Variants in TBC1D19 observed in about 807,000 individuals in gnomAD.
TBC1D19 encodes TBC1 domain family member 19, also known as TBC1 domain family, member 19.
In TBC1D19, 60 loss-of-function variants were observed where a neutral mutation model predicts 89.0. The ratio of observed to expected loss-of-function variants is 0.67; its 90% CI spans 0.55 to 0.84. TBC1D19 has a LOEUF of 0.84. TBC1D19 is among the 40% of genes least tolerant of loss of function. The probability of loss-of-function intolerance (pLI) is 0.00; values close to 1 mark genes in which losing one functional copy is unlikely to be tolerated. For missense variants in TBC1D19, 500 were observed against 610.8 expected (o/e 0.82, Z 1.91); for synonymous variants, 189 against 199.7 (o/e 0.95, Z 0.45).
At chr4:26,654,918 G>A (rs557532552) in intron 7 of TBC1D19, among the ~76,000 whole-genome samples, 3 of 152,252 alleles carry the variant, frequency 2.0e-5, no homozygotes, top group African/African-American at 4.8e-5. Context: ...TGCTGGTGAG[G>A]AGCTGCATTC....
At chr4:26,782,992 T>C in the TBC1D19 span, among the ~76,000 whole-genome samples, 1 of 152,212 alleles carries the variant, frequency 6.6e-6, no homozygotes, top group Non-Finnish European at 1.5e-5. Flanking sequence ...ATATTGTTCC[T>C]AAAGAACATA....
At position 26,673,438 on chromosome 4, in the gene TBC1D19, T is replaced by TACACACACACACACAC. The variant is rs1419263495; in HGVS notation, c.704-337_704-336insCACACACACACACACA. Among the ~76,000 whole-genome samples, 4 of 15,916 alleles carry TACACACACACACACAC rather than the reference T, an allele frequency of 2.5e-4. No homozygotes were observed. The Admixed American group carries it at 5.3e-3, about 21-fold the overall frequency. The allele number at this position is 15,916 out of a possible 152,430, so 10.4% of individuals were successfully genotyped here. ...AAAAATTATTTCATATATATATATA[T>TACACACACACACACAC]ATATATATACACACACACACACACA... is the stretch of plus-strand genomic sequence containing the variant. On this transcript the variant is annotated intron_variant, in intron 10 of 20. Coordinates refer to ENST00000264866, the MANE Select transcript of TBC1D19 (RefSeq NM_018317.4).
intron 1 of TBC1D19, among the ~76,000 whole-genome samples, chr4:26,603,986 A>G (rs1340661989): frequency 6.6e-6 from 1 of 152,110 alleles, no homozygotes; most frequent in Non-Finnish European, 1.5e-5. Flanking sequence ...TTCAACCTGT[A>G]GTAACCACCA....
At chr4:26,750,658 A>G (rs1357911851) in intron 19 of TBC1D19, among the ~76,000 whole-genome samples, 1 of 152,216 alleles carries the variant, frequency 6.6e-6, no homozygotes, top group East Asian at 1.9e-4. Flanking sequence ...GTAGAAATGT[A>G]GTCTGCATTA....
chr4:26,594,817 A>G (rs1023238940), intron 1 of TBC1D19, among the ~76,000 whole-genome samples: 2 of 152,178 alleles, frequency 1.3e-5, no homozygotes, highest in Non-Finnish European at 2.9e-5. Flanking sequence ...GATTCCCTAA[A>G]AAATCCCGCT....
At chr4:26,662,230 T>C (rs1745265331) in intron 8 of TBC1D19, among the ~76,000 whole-genome samples, 1 of 152,170 alleles carries the variant, frequency 6.6e-6, no homozygotes, top group Non-Finnish European at 1.5e-5. Context: ...AATGAAACCA[T>C]TAATATTCTC....
At chr4:26,583,108 C>T (rs1362675896), upstream of TBC1D19, among the ~76,000 whole-genome samples, 1 of 152,114 alleles carries the variant, frequency 6.6e-6, no homozygotes, top group East Asian at 1.9e-4. Context: ...TAAAATCCTA[C>T]TTCTGCTTTG....
At chr4:26,762,694 A>T in the TBC1D19 span, among the ~76,000 whole-genome samples, 1 of 152,216 alleles carries the variant, frequency 6.6e-6, no homozygotes, top group Admixed American at 6.5e-5. Context: ...AGATGGGAAG[A>T]TTATCCTGGA....
chr4:26,647,887 C>A (rs1744081112), intron 7 of TBC1D19, among the ~76,000 whole-genome samples: 1 of 151,900 alleles, frequency 6.6e-6, no homozygotes, highest in African/African-American at 2.4e-5. Flanking sequence ...CTCCTTATAC[C>A]CTTTCCAGCT....
chr4:26,825,506 A>G, the TBC1D19 span, among the ~76,000 whole-genome samples: 4 of 152,206 alleles, frequency 2.6e-5, no homozygotes, highest in Non-Finnish European at 5.9e-5. Flanking sequence ...ATTTTTCAAC[A>G]TTAAGAAAAA....
At chr4:26,804,718 T>C in the TBC1D19 span, among the ~76,000 whole-genome samples, 1 of 152,304 alleles carries the variant, frequency 6.6e-6, no homozygotes, top group African/African-American at 2.4e-5. Flanking sequence ...TCCCTAGAGC[T>C]GCTCTGTTCG....
chr4:26,717,895 G>A (rs1445578012), intron 13 of TBC1D19, 38 bp from the exon 14 acceptor site: 2 of 1,507,576 alleles, frequency 1.3e-6, no homozygotes, highest in East Asian at 2.3e-5. Context: ...TTTTATAATA[G>A]TGCTTAATTG....
intron 17 of TBC1D19, among the ~76,000 whole-genome samples, chr4:26,741,254 G>A (rs1288848731): frequency 2.6e-5 from 4 of 151,328 alleles, no homozygotes; most frequent in Non-Finnish European, 5.9e-5. Flanking sequence ...TACTCGGGAG[G>A]CTGAGGCAGG....
intron 14 of TBC1D19, among the ~76,000 whole-genome samples, chr4:26,718,814 T>C (rs184192773): frequency 2.0e-5 from 3 of 152,204 alleles, no homozygotes; most frequent in Non-Finnish European, 2.9e-5. Flanking sequence ...GAAAAACTGA[T>C]TGTAAACTGA....
At chr4:26,635,498 A>G (rs1397049488) in intron 4 of TBC1D19, among the ~76,000 whole-genome samples, 1 of 152,154 alleles carries the variant, frequency 6.6e-6, no homozygotes, top group Non-Finnish European at 1.5e-5. Context: ...CATGTAATGT[A>G]TTGAGTATGC....
chr4:26,611,134 C>A (rs189150533), intron 1 of TBC1D19, among the ~76,000 whole-genome samples: 1 of 152,018 alleles, frequency 6.6e-6, no homozygotes, highest in Admixed American at 6.6e-5. Flanking sequence ...TTAATTGAAG[C>A]CATTCTGACT....
At chr4:26,664,273 G>C (rs751805847) in intron 8 of TBC1D19, among the ~76,000 whole-genome samples, 5 of 152,100 alleles carry the variant, frequency 3.3e-5, no homozygotes, top group Non-Finnish European at 7.4e-5. Flanking sequence ...GTCATACCTG[G>C]GGTGAGTTTT....
In TBC1D19 at chr4:26,688,413, T is replaced by A; in HGVS notation, c.954+6T>A. On this transcript the variant is annotated splice_donor_region_variant and intron_variant, in intron 13 of 20. Transcript: ENST00000264866. ...TTGAAGATTATTTATATCAGGTAAG[T>A]TTAAAAATAAAAATACATAGTGTTC... 1 of 1,551,256 alleles carries A rather than the reference T, an allele frequency of 6.4e-7. No homozygotes were observed. Among genetic ancestry groups the A allele is most frequent in the Non-Finnish European group, 8.7e-7 (1 of 1,144,712 alleles).
the TBC1D19 span, among the ~76,000 whole-genome samples, chr4:26,848,224 G>T: frequency 6.6e-6 from 1 of 152,162 alleles, no homozygotes; most frequent in Admixed American, 6.5e-5. Flanking sequence ...AAACGGTGAG[G>T]AAAAGAAGAT....
Sources: allele counts gnomAD v4.1 joint callset (sites outside exome capture counted in the v4.1 genomes callset), GRCh38; gene constraint gnomAD v4.1.1; transcripts MANE v1.5; gene names NCBI Gene and HGNC (gene_info 2026-07-23, HGNC 2026-07-21).